DIAPH2: variants seen among roughly 807,000 people sequenced by gnomAD.
DIAPH2 encodes the protein diaphanous related formin 2.
A neutral mutation model predicts 92.7 loss-of-function variants in DIAPH2; 35 were observed. The observed-to-expected ratio is 0.38, with a 90% CI of 0.29 to 0.50. The LOEUF (loss-of-function observed/expected upper bound fraction) is 0.50, where lower values mean the gene tolerates loss of function less well. Among genes scored for constraint, DIAPH2 ranks in the 20% least tolerant of loss-of-function variants. The probability of loss-of-function intolerance (pLI) is 0.94; values close to 1 mark genes in which losing one functional copy is unlikely to be tolerated. For missense variants in DIAPH2, 701 were observed against 819.5 expected, an observed-to-expected ratio of 0.86 and a Z score of 1.77; for synonymous variants, 301 against 280.4, an observed-to-expected ratio of 1.07 and a Z score of -0.73.
chrX:97,496,277 G>A (rs2070757596), intron 26 of DIAPH2, among the ~76,000 whole-genome samples: 1 of 97,077 alleles, frequency 1.0e-5, no homozygotes, highest in Admixed American at 1.3e-4. Context: ...CCGGGCTCAA[G>A]AGATTCTCCT....
At chrX:96,919,389 A>G (rs927727970) in intron 9 of DIAPH2, among the ~76,000 whole-genome samples, 4 of 112,107 alleles carry the variant, frequency 3.6e-5, no homozygotes, top group Non-Finnish European at 7.5e-5. Flanking sequence ...ACAGTTTTTA[A>G]GTGTCACAGT....
intron 23 of DIAPH2, among the ~76,000 whole-genome samples, chrX:97,332,930 A>G (rs2069014290): frequency 8.9e-6 from 1 of 112,142 alleles, no homozygotes; most frequent in Non-Finnish European, 1.9e-5. Flanking sequence ...TAGATTCCCC[A>G]GGGACCTTCC....
chrX:97,158,298 T>C (rs1602381639), intron 22 of DIAPH2, among the ~76,000 whole-genome samples: 1 of 112,185 alleles, frequency 8.9e-6, no homozygotes, highest in East Asian at 2.8e-4. Context: ...ATAAGTAGTT[T>C]CCAAATTCTG....
intron 4 of DIAPH2, among the ~76,000 whole-genome samples, chrX:96,795,417 A>G (rs770478138): frequency 5.4e-5 from 6 of 112,002 alleles, no homozygotes; most frequent in Non-Finnish European, 9.4e-5. Context: ...AAAAAGGTAT[A>G]GTCTATATTT....
At chrX:96,754,417 C>T (rs1371442748) in intron 3 of DIAPH2, among the ~76,000 whole-genome samples, 7 of 111,698 alleles carry the variant, frequency 6.3e-5, no homozygotes, top group Non-Finnish European at 9.4e-5. Context: ...GATTAGACAG[C>T]CTAGCATAGT....
intron 1 of DIAPH2, among the ~76,000 whole-genome samples, chrX:96,697,663 T>A (rs934157792): frequency 1.8e-5 from 2 of 110,895 alleles, no homozygotes; most frequent in Non-Finnish European, 3.8e-5. Context: ...AAAATATTTT[T>A]AAAAATAAAA....
chrX:96,880,689 C>T (rs1157772374), intron 4 of DIAPH2, among the ~76,000 whole-genome samples: 1 of 111,408 alleles, frequency 9.0e-6, no homozygotes, highest in Non-Finnish European at 1.9e-5. Context: ...TAAAATGGGA[C>T]TCAAGCTTGG....
intron 23 of DIAPH2, among the ~76,000 whole-genome samples, chrX:97,326,568 C>T (rs1283460958): frequency 3.6e-5 from 4 of 111,593 alleles, no homozygotes; most frequent in African/African-American, 1.3e-4. Flanking sequence ...TGTGACAATA[C>T]CATTTTCAGC....
chrX:97,271,888 C>A (rs1272934052), intron 23 of DIAPH2, among the ~76,000 whole-genome samples: 1 of 110,407 alleles, frequency 9.1e-6, no homozygotes, highest in Non-Finnish European at 1.9e-5. Flanking sequence ...TGTATACACA[C>A]TGTATTTTAT....
At chrX:97,051,012 A>G (rs1436074048) in intron 17 of DIAPH2, among the ~76,000 whole-genome samples, 1 of 111,772 alleles carries the variant, frequency 8.9e-6, no homozygotes, top group East Asian at 2.8e-4. Context: ...GGTCTTATAT[A>G]ATAGTTAGAA....
intron 22 of DIAPH2, among the ~76,000 whole-genome samples, chrX:97,154,389 T>C (rs1462447387): frequency 1.8e-5 from 2 of 111,918 alleles, no homozygotes; most frequent in Non-Finnish European, 3.8e-5. Context: ...AAAATTTTAG[T>C]TATAAATTTA....
At chrX:97,284,507 G>A (rs970265297) in intron 23 of DIAPH2, among the ~76,000 whole-genome samples, 4 of 109,591 alleles carry the variant, frequency 3.6e-5, no homozygotes, top group Non-Finnish European at 5.7e-5. Context: ...CTACTCGGGA[G>A]GCTAAGGTAA....
rs777049178 is a variant in DIAPH2, at chrX:97,007,767, T to C, written c.2050+42560T>C. 6.1e-4 allele frequency among the ~76,000 whole-genome samples: 59 copies of C among 96,153 alleles called. No homozygotes were observed. The South Asian group carries it at 0.023, about 38-fold the overall frequency. 83.5% of individuals were successfully genotyped at this position (96,153 alleles called of 115,157 possible). The stretch of plus-strand genomic sequence containing the variant: ...AAGGCTGTTTTCTTTTTTTCTTTTT[T>C]TTTTTTTTTTTTTGAGATGGAGTCT... On this transcript the variant is annotated intron_variant, in intron 17 of 26. Transcript: ENST00000324765.
intron 26 of DIAPH2, among the ~76,000 whole-genome samples, chrX:97,437,779 C>CAG (rs1235719736): frequency 9.1e-6 from 1 of 110,009 alleles, no homozygotes; most frequent in Non-Finnish European, 1.9e-5. Flanking sequence ...CACACACACA[C>CAG]ACACACACAC....
At chrX:97,078,369 A>G (rs1382660283) in intron 19 of DIAPH2, among the ~76,000 whole-genome samples, 1 of 111,596 alleles carries the variant, frequency 9.0e-6, no homozygotes, top group Admixed American at 9.5e-5. Flanking sequence ...CCATGGAGAG[A>G]ATTCAGGGGG....
chrX:96,970,648 AG>A (rs1485522589), intron 17 of DIAPH2, among the ~76,000 whole-genome samples: 3 of 110,324 alleles, frequency 2.7e-5, no homozygotes, highest in Non-Finnish European at 5.7e-5. Context: ...TTTTTAATCT[AG>A]GTAGCGGTCC....
intron 25 of DIAPH2, among the ~76,000 whole-genome samples, chrX:97,408,557 T>C (rs749910535): frequency 1.8e-5 from 2 of 111,605 alleles, no homozygotes; most frequent in Admixed American, 1.9e-4. Context: ...ATTTTAATTA[T>C]TAGAACAGAA....
At chrX:96,926,671 C>T (rs2065583879) in intron 9 of DIAPH2, among the ~76,000 whole-genome samples, 1 of 111,537 alleles carries the variant, frequency 9.0e-6, no homozygotes, top group Non-Finnish European at 1.9e-5. Context: ...TGATTGGATA[C>T]TTTATCACAT....
intron 22 of DIAPH2, among the ~76,000 whole-genome samples, chrX:97,209,724 TACTTATTC>T (rs1569330428): frequency 9.0e-6 from 1 of 111,056 alleles, no homozygotes; most frequent in Non-Finnish European, 1.9e-5. Flanking sequence ...AATAGTAAGG[TACTTATTC>T]TCACTTAATT....
Sources: gnomAD v4.1 joint callset for allele counts (sites outside exome capture counted in the v4.1 genomes callset) on GRCh38, gnomAD v4.1.1 for gene constraint, MANE v1.5 for transcripts, NCBI Gene and HGNC (gene_info 2026-07-23, HGNC 2026-07-21) for gene names.